The following IL1R1 variants were observed in gnomAD, a reference collection of about 807,000 sequenced individuals.
The protein encoded by IL1R1 is interleukin-1 receptor type 1.
IL1R1 carries 22 observed loss-of-function variants against 50.2 expected under a neutral mutation model. The ratio of observed to expected loss-of-function variants is 0.44; its 90% confidence interval spans 0.31 to 0.63. IL1R1 has a LOEUF of 0.63. Among genes scored for constraint, IL1R1 ranks in the 20% least tolerant of loss-of-function variants. The pLI is 0.07. For missense variants in IL1R1, 509 were observed against 676.2 expected, an observed-to-expected ratio of 0.75 and a Z score of 2.74; for synonymous variants, 251 against 236.7, an observed-to-expected ratio of 1.06 and a Z score of -0.55.
intron 1 of IL1R1, among the ~76,000 whole-genome samples, chr2:102,079,008 T>G (rs1469566791): frequency 6.6e-6 from 1 of 152,116 alleles, no homozygotes; most frequent in East Asian, 1.9e-4. Context: ...TCTCAATAGA[T>G]GCAGACAAAA....
chr2:102,154,858 G>A (rs916986155), intron 2 of IL1R1, among the ~76,000 whole-genome samples: 5 of 152,158 alleles, frequency 3.3e-5, no homozygotes, highest in African/African-American at 9.7e-5. Flanking sequence ...CCTCCCACTC[G>A]GAACCCACCT....
chr2:102,123,593 T>A (rs537276564), intron 1 of IL1R1, among the ~76,000 whole-genome samples: 1 of 152,176 alleles, frequency 6.6e-6, no homozygotes, highest in South Asian at 2.1e-4. Context: ...CTGGCCAACA[T>A]GGCGAAACCC....
intron 9 of IL1R1, 62 bp from the exon 10 acceptor site, chr2:102,174,525 T>G: frequency 1.5e-6 from 2 of 1,310,464 alleles, no homozygotes; most frequent in Non-Finnish European, 2.1e-6. Flanking sequence ...TTTGCTGTGC[T>G]CAAAGTTTTA....
At position 102,076,217 on chromosome 2, in the gene IL1R1, G is replaced by T. The variant is rs112173293; in HGVS notation, c.-84+5684G>T. Among the ~76,000 whole-genome samples the T allele has an allele frequency of 1.0e-4, 15 of 144,906 alleles. 2 individuals carry two copies. Among genetic ancestry groups the T allele is most frequent in the African/African-American group, 3.6e-4 (14 of 38,786 alleles). Reference sequence around the variant, plus strand: ...TTTTGAGATGGAATCTCACTCTGTCGCCTAGGCTGGAATGCAGTGGTGTGA... The same window carrying T: ...TTTTGAGATGGAATCTCACTCTGTCTCCTAGGCTGGAATGCAGTGGTGTGA... On this transcript the variant is annotated intron_variant, in intron 1 of 11. Transcript: ENST00000409929.
intron 1 of IL1R1, among the ~76,000 whole-genome samples, chr2:102,131,007 C>T (rs978183192): frequency 2.6e-5 from 4 of 152,168 alleles, no homozygotes; most frequent in African/African-American, 4.8e-5. Flanking sequence ...AAGCGTGACC[C>T]AGGCAGAGTC....
At chr2:102,081,036 T>C (rs1679183850) in intron 1 of IL1R1, among the ~76,000 whole-genome samples, 1 of 152,162 alleles carries the variant, frequency 6.6e-6, no homozygotes, top group African/African-American at 2.4e-5. Flanking sequence ...AAGTAGTATA[T>C]AGATTGCCAG....
In IL1R1 at chr2:102,164,877, A is replaced by T. The variant is rs762031293; in HGVS notation, c.165A>T (p.Ile55=). ...PLNPNEHKGT[I]TWYKDDSKTP... ...ACCCAAATGAACACAAAGGCACTAT[A>T]ACTTGGTATAAAGATGACAGCAAGA... The change falls in exon 4 of 12, where the codon ATA becomes ATT. Residue 55 remains isoleucine, a synonymous_variant. Transcript: ENST00000410023. 1 of 1,614,028 alleles carries T rather than the reference A, an allele frequency of 6.2e-7. No individual in the cohort carries two copies.
intron 8 of IL1R1, 99 bp downstream of exon 8, chr2:102,172,017 C>T: frequency 3.0e-6 from 1 of 338,738 alleles, no homozygotes; most frequent in Non-Finnish European, 5.2e-6. Context: ...TTAGTTGCTC[C>T]TAACCTTTGC....
upstream of IL1R1, among the ~76,000 whole-genome samples, chr2:102,140,452 A>G (rs1682580767): frequency 6.6e-6 from 1 of 152,210 alleles, no homozygotes; most frequent in Non-Finnish European, 1.5e-5. Flanking sequence ...TAAGCATTTC[A>G]GAGGTGGGAG....
chr2:102,126,457 T>C lies in IL1R1; in HGVS notation c.-84+21585T>C, dbSNP rs139163282. On this transcript the variant is annotated intron_variant, in intron 1 of 10. Coordinates refer to the IL1R1 transcript ENST00000409329. ...AAGTTTAACTTGTCCTCAATTGACA[T>C]GGTAGCTGCTTTTCTGGAAAATTTA... Among the ~76,000 whole-genome samples, 401 of 152,348 alleles carry C rather than the reference T, an allele frequency of 2.6e-3. 1 individual carries two copies. Among genetic ancestry groups the C allele is most frequent in the Non-Finnish European group, 4.9e-3 (332 of 68,036 alleles).
At chr2:102,072,877 C>T (rs531000690) in intron 1 of IL1R1, among the ~76,000 whole-genome samples, 1 of 152,210 alleles carries the variant, frequency 6.6e-6, no homozygotes, top group South Asian at 2.1e-4. Flanking sequence ...TAAGTCCTTC[C>T]TGTCTTGGGA....
At chr2:102,099,832 G>A (rs1680064097), upstream of IL1R1, among the ~76,000 whole-genome samples, 1 of 152,172 alleles carries the variant, frequency 6.6e-6, no homozygotes, top group South Asian at 2.1e-4. Flanking sequence ...TGAGGTTAGG[G>A]AACTAAGAAT....
chr2:102,089,540 T>C (rs1482175501), intron 1 of IL1R1, among the ~76,000 whole-genome samples: 4 of 152,184 alleles, frequency 2.6e-5, no homozygotes, highest in African/African-American at 9.7e-5. Context: ...CCACATGCTG[T>C]TGGAAAAATG....
chr2:102,123,277 T>G (rs1412002098), intron 1 of IL1R1, among the ~76,000 whole-genome samples: 1 of 152,234 alleles, frequency 6.6e-6, no homozygotes, highest in African/African-American at 2.4e-5. Context: ...GTTTGTGTCT[T>G]ATGGGACAAG....
chr2:102,144,507 A>G (rs1192830837), intron 1 of IL1R1, among the ~76,000 whole-genome samples: 1 of 152,124 alleles, frequency 6.6e-6, no homozygotes, highest in East Asian at 1.9e-4. Flanking sequence ...TTTTGAGTCA[A>G]CCTCTCACCA....
intron 1 of IL1R1, among the ~76,000 whole-genome samples, chr2:102,090,883 T>C (rs571490376): frequency 6.6e-6 from 1 of 152,338 alleles, no homozygotes; most frequent in South Asian, 2.1e-4. Context: ...AAACAATGTG[T>C]ATGAGAGGAC....
intron 7 of IL1R1, among the ~76,000 whole-genome samples, chr2:102,169,740 A>G (rs1172831176): frequency 6.6e-6 from 1 of 152,240 alleles, no homozygotes; most frequent in Non-Finnish European, 1.5e-5. Flanking sequence ...TTAGACAGAA[A>G]CAAAAATGTC....
chr2:102,121,508 T>A (rs1394399595), intron 1 of IL1R1, among the ~76,000 whole-genome samples: 1 of 152,202 alleles, frequency 6.6e-6, no homozygotes, highest in Admixed American at 6.5e-5. Context: ...AGCTCTTGCC[T>A]TCCTTCTTTC....
At chr2:102,104,834 A>G (rs1429925192) in exon 1 of IL1R1, 2 of 152,234 alleles carry the variant, frequency 1.3e-5, no homozygotes, top group East Asian at 3.9e-4. Context: ...CTGGGAGGCC[A>G]GCCATTCCCA....
Sources: gnomAD v4.1 joint callset for allele counts (sites outside exome capture counted in the v4.1 genomes callset) on GRCh38, gnomAD v4.1.1 for gene constraint, MANE v1.5 for transcripts, NCBI Gene and HGNC (gene_info 2026-07-23, HGNC 2026-07-21) for gene names.